Variants in NEK10 observed in about 807,000 individuals in gnomAD.
NEK10 encodes serine/threonine-protein kinase Nek10.
NEK10 carries 122 observed loss-of-function variants against 159.8 expected under a neutral mutation model. The ratio of observed to expected loss-of-function variants is 0.76; its 90% confidence interval spans 0.66 to 0.89. NEK10 has a LOEUF of 0.89. NEK10 is among the 40% of genes least tolerant of loss of function. The pLI is 0.00. For synonymous variants in NEK10, 466 were observed against 457.1 expected, an observed-to-expected ratio of 1.02 and a Z score of -0.25; for missense variants, 1,342 against 1,323.1, an observed-to-expected ratio of 1.01 and a Z score of -0.22.
At chr3:27,177,177 CTG>C (rs1298796109) in intron 26 of NEK10, among the ~76,000 whole-genome samples, 13 of 152,054 alleles carry the variant, frequency 8.5e-5, no homozygotes, top group Non-Finnish European at 1.8e-4. Context: ...AATTTACAAT[CTG>C]AGAGAGATGC....
At chr3:27,311,755 G>T in intron 8 of NEK10, 1 of 249,724 alleles carries the variant, frequency 4.0e-6, no homozygotes, top group Non-Finnish European at 7.7e-6. Flanking sequence ...TATGAGGTAG[G>T]CAATCATGAT....
chr3:27,307,944 G>C lies in NEK10; in HGVS notation c.718C>G (p.Gln240Glu). The change falls in exon 11 of 36, where the codon CAA (glutamine) becomes GAA (glutamate). Residue 240 changes from glutamine to glutamate, a missense_variant and splice_region_variant. Physicochemically the swap from Gln to Glu is conservative, Grantham distance 29 (BLOSUM62 2). Transcript: ENST00000691995. ...LLALASLAES[Q>E]ECREKISELN... Reference sequence around the variant, plus strand: ...TCACTTATCTTCTCCCTACATTCTTGACTATAAATTGAAAAATATTAGCAA... The same window carrying C: ...TCACTTATCTTCTCCCTACATTCTTCACTATAAATTGAAAAATATTAGCAA... 6.9e-7 allele frequency: 1 copy of C among 1,441,438 alleles called. No homozygotes were observed. Among genetic ancestry groups the C allele is most frequent in the Non-Finnish European group, 9.8e-7 (1 of 1,025,380 alleles). The allele number at this position is 1,441,438 out of a possible 1,614,324, so 89.3% of individuals were successfully genotyped here. A position where few individuals can be genotyped will look rare whatever the true frequency, so the allele number is the denominator to read the frequency against.
chr3:27,193,642 T>C (rs914094038), intron 25 of NEK10, among the ~76,000 whole-genome samples: 1 of 147,520 alleles, frequency 6.8e-6, no homozygotes, highest in South Asian at 2.2e-4. Flanking sequence ...TGGTATCTTA[T>C]CTTTCCCAGC....
At chr3:27,156,061 G>A (rs986671787) in intron 30 of NEK10, among the ~76,000 whole-genome samples, 2 of 152,170 alleles carry the variant, frequency 1.3e-5, no homozygotes, top group African/African-American at 4.8e-5. Context: ...TCAACAAATG[G>A]TGCTGGGATA....
Position 27,143,594 on chromosome 3 carries a change from C to G in NEK10, c.2870-2012G>C, listed in dbSNP as rs372287037. 2 of 532,040 alleles carry G rather than the reference C, an allele frequency of 3.8e-6. 1 individual carries two copies. 33.0% of individuals were successfully genotyped at this position (532,040 alleles called of 1,614,324 possible). A position where few individuals can be genotyped will look rare whatever the true frequency, so the allele number is the denominator to read the frequency against. Reference sequence around the variant, plus strand: ...CCTTTGACCACTACCCTCACAATCCCAACACATCCTTGACTTCTGGAAATA... The same window carrying G: ...CCTTTGACCACTACCCTCACAATCCGAACACATCCTTGACTTCTGGAAATA... On this transcript the variant is annotated intron_variant, in intron 30 of 35. Coordinates refer to ENST00000691995, the MANE Select transcript of NEK10 (RefSeq NM_001394966.1).
At chr3:27,231,593 A>G (rs749206709) in intron 23 of NEK10, among the ~76,000 whole-genome samples, 1 of 152,032 alleles carries the variant, frequency 6.6e-6, no homozygotes, top group Non-Finnish European at 1.5e-5. Context: ...TTGATAGGCC[A>G]TTAGTGAGAC....
At chr3:27,301,495 A>G (rs1432423972) in intron 13 of NEK10, among the ~76,000 whole-genome samples, 1 of 152,216 alleles carries the variant, frequency 6.6e-6, no homozygotes, top group Non-Finnish European at 1.5e-5. Context: ...AGAACACAGA[A>G]GACAAAGAAA....
At chr3:27,306,079 G>A (rs564230749) in intron 11 of NEK10, among the ~76,000 whole-genome samples, 2 of 152,108 alleles carry the variant, frequency 1.3e-5, no homozygotes, top group South Asian at 4.2e-4. Context: ...TTATATCCCC[G>A]ATCTTGACTC....
intron 3 of NEK10, among the ~76,000 whole-genome samples, chr3:27,347,495 T>A (rs1297397674): frequency 1.5e-5 from 1 of 68,096 alleles, no homozygotes; most frequent in Non-Finnish European, 2.5e-5. Flanking sequence ...AGAGTGAAAC[T>A]CCGTCTCAAA....
chr3:27,194,696 A>T (rs1472922677), intron 25 of NEK10: 1 of 152,210 alleles, frequency 6.6e-6, no homozygotes, highest in Non-Finnish European at 1.5e-5. Context: ...TGAAAGTATT[A>T]ACTTTGTTAG....
At chr3:27,365,256 T>C (rs2048971952) in intron 1 of NEK10, among the ~76,000 whole-genome samples, 1 of 152,268 alleles carries the variant, frequency 6.6e-6, no homozygotes, top group Admixed American at 6.5e-5. Context: ...TGCTGTGCTT[T>C]ATCTGTCCTG....
chr3:27,293,547 T>G (rs764344918), intron 16 of NEK10, 41 bp downstream of exon 16: 27 of 1,057,650 alleles, frequency 2.6e-5, no homozygotes, highest in Non-Finnish European at 3.8e-5. Context: ...TCTAATGATC[T>G]CCTAAACCTA....
At chr3:27,331,849 C>T (rs1171995437) in intron 5 of NEK10, among the ~76,000 whole-genome samples, 1 of 152,220 alleles carries the variant, frequency 6.6e-6, no homozygotes, top group Non-Finnish European at 1.5e-5. Flanking sequence ...TTCCTACAGA[C>T]TCATTTCCAA....
intron 25 of NEK10, among the ~76,000 whole-genome samples, chr3:27,201,075 T>A (rs1331786506): frequency 6.6e-6 from 1 of 152,146 alleles, no homozygotes. Flanking sequence ...TTATGATAAA[T>A]CACATTATCA....
intron 25 of NEK10, among the ~76,000 whole-genome samples, chr3:27,200,372 G>A (rs1949944655): frequency 6.6e-6 from 1 of 152,100 alleles, no homozygotes; most frequent in Non-Finnish European, 1.5e-5. Flanking sequence ...GATTCTATCT[G>A]GGGTGACTCT....
In NEK10 at chr3:27,127,269, T is replaced by C. The variant is rs562958298; in HGVS notation, c.3081+4611A>G. Among the ~76,000 whole-genome samples, 15 of 152,282 alleles carry C rather than the reference T, an allele frequency of 9.9e-5. 1 individual carries two copies. The South Asian group carries it at 3.1e-3, about 32-fold the overall frequency. ...GCTCTTTAAAAGAGATGGATTTCTTTTTAAAAAACAAAACCACAATATAAT... is the reference window on the plus strand; with the variant it reads ...GCTCTTTAAAAGAGATGGATTTCTTCTTAAAAAACAAAACCACAATATAAT... On this transcript the variant is annotated intron_variant, in intron 32 of 35. Coordinates refer to ENST00000691995, the MANE Select transcript of NEK10 (RefSeq NM_001394966.1).
intron 23 of NEK10, among the ~76,000 whole-genome samples, chr3:27,241,450 G>A (rs1293814878): frequency 6.6e-6 from 1 of 152,128 alleles, no homozygotes; most frequent in African/African-American, 2.4e-5. Context: ...AGCCTGAAGT[G>A]CTGATGAATT....
chr3:27,283,364 T>C (rs1269064913), intron 22 of NEK10, among the ~76,000 whole-genome samples: 1 of 152,206 alleles, frequency 6.6e-6, no homozygotes, highest in East Asian at 1.9e-4. Context: ...TCTATTTTTA[T>C]TTTTAAATGT....
intron 29 of NEK10, among the ~76,000 whole-genome samples, chr3:27,171,078 C>T (rs1245717940): frequency 1.3e-5 from 2 of 152,170 alleles, no homozygotes; most frequent in African/African-American, 4.8e-5. Flanking sequence ...CCTATCTCTG[C>T]CTCTGGAACA....
Sources: gnomAD v4.1 joint callset for allele counts (sites outside exome capture counted in the v4.1 genomes callset) on GRCh38, gnomAD v4.1.1 for gene constraint, MANE v1.5 for transcripts, NCBI Gene and HGNC (gene_info 2026-07-23, HGNC 2026-07-21) for gene names.